Variants in GRIK4 observed in about 807,000 individuals in gnomAD.
GRIK4 encodes the protein glutamate receptor ionotropic, kainate 4.
In GRIK4, 40 loss-of-function variants were observed where a neutral mutation model predicts 104.9. That is an observed-to-expected ratio of 0.38 (90% confidence interval 0.30 to 0.50). The LOEUF is 0.50. Among genes scored for constraint, GRIK4 ranks in the 20% least tolerant of loss-of-function variants. GRIK4 has a pLI of 0.93. For missense variants in GRIK4, 1,047 were observed against 1,308.1 expected (o/e 0.80, Z 3.08); for synonymous variants, 485 against 524.9 (o/e 0.92, Z 1.04).
chr11:120,927,565 C>CA (rs56223442), intron 13 of GRIK4, among the ~76,000 whole-genome samples: 1,187 of 101,492 alleles, frequency 0.012, 17 homozygotes, highest in Middle Eastern at 0.026. Context: ...GACTCTGTCT[C>CA]AAAAAAAAAA....
chr11:120,650,806 T>C (rs1318757622), intron 1 of GRIK4, among the ~76,000 whole-genome samples: 1 of 152,234 alleles, frequency 6.6e-6, no homozygotes, highest in Admixed American at 6.5e-5. Flanking sequence ...GTCTTGGGTA[T>C]GGGAACAACA....
At chr11:120,775,352 A>T (rs1165242406) in intron 3 of GRIK4, among the ~76,000 whole-genome samples, 1 of 152,158 alleles carries the variant, frequency 6.6e-6, no homozygotes, top group Non-Finnish European at 1.5e-5. Context: ...GACCTGAGAG[A>T]CACAGCTGGG....
chr11:120,786,156 C>T (rs955561805), intron 3 of GRIK4, among the ~76,000 whole-genome samples: 8 of 152,182 alleles, frequency 5.3e-5, no homozygotes, highest in African/African-American at 1.9e-4. Flanking sequence ...GGGGCCATCC[C>T]GCTGGTGCCA....
chr11:120,532,125 G>A (rs1947930046), intron 1 of GRIK4, among the ~76,000 whole-genome samples: 1 of 152,196 alleles, frequency 6.6e-6, no homozygotes, highest in Non-Finnish European at 1.5e-5. Flanking sequence ...GGGTACCTGT[G>A]GCCACTCAGG....
chr11:120,571,771 G>A (rs1005234741), intron 1 of GRIK4, among the ~76,000 whole-genome samples: 1 of 152,092 alleles, frequency 6.6e-6, no homozygotes, highest in Middle Eastern at 3.2e-3. Flanking sequence ...TATGTCTAGG[G>A]CCTGGGTTGC....
chr11:120,677,650 G>A (rs775464633), intron 3 of GRIK4, among the ~76,000 whole-genome samples: 24 of 152,236 alleles, frequency 1.6e-4, no homozygotes, highest in Non-Finnish European at 3.1e-4. Flanking sequence ...AGGGCGATAC[G>A]AAATAAGGAA....
intron 3 of GRIK4, among the ~76,000 whole-genome samples, chr11:120,750,420 G>T (rs1256159732): frequency 6.9e-6 from 1 of 143,996 alleles, no homozygotes; most frequent in South Asian, 2.2e-4. Context: ...AGGCTGGAGT[G>T]CAGTGGTGTG....
chr11:120,768,217 C>A (rs1435765866), intron 3 of GRIK4, among the ~76,000 whole-genome samples: 1 of 152,036 alleles, frequency 6.6e-6, no homozygotes, highest in African/African-American at 2.4e-5. Context: ...TTATCTTCTT[C>A]AATTTCTCTC....
At chr11:120,607,550 G>T (rs1051316996) in intron 1 of GRIK4, among the ~76,000 whole-genome samples, 1 of 152,166 alleles carries the variant, frequency 6.6e-6, no homozygotes, top group Non-Finnish European at 1.5e-5. Context: ...AAGAATTTGG[G>T]GGAGTGGCCA....
intron 3 of GRIK4, among the ~76,000 whole-genome samples, chr11:120,708,327 G>A (rs369247343): frequency 6.6e-6 from 1 of 152,056 alleles, no homozygotes; most frequent in East Asian, 1.9e-4. Flanking sequence ...CAAAGCTTTT[G>A]ATCTGCTTCC....
intron 1 of GRIK4, among the ~76,000 whole-genome samples, chr11:120,602,372 A>G (rs1484267158): frequency 6.6e-6 from 1 of 152,120 alleles, no homozygotes; most frequent in African/African-American, 2.4e-5. Context: ...TCCCCAGGGG[A>G]CTGTTCAGGG....
intron 11 of GRIK4, among the ~76,000 whole-genome samples, chr11:120,896,820 C>T (rs941557770): frequency 6.6e-6 from 1 of 152,184 alleles, no homozygotes; most frequent in African/African-American, 2.4e-5. Context: ...TGTGGGTCTT[C>T]CAGGGAAGCT....
In GRIK4 at chr11:120,967,338, G is replaced by C. The variant is rs748236878; in HGVS notation, c.2395+15G>C. 3.7e-6 allele frequency: 6 copies of C among 1,604,186 alleles called. No individual in the cohort carries two copies. Among genetic ancestry groups the C allele is most frequent in the Non-Finnish European group, 5.1e-6 (6 of 1,175,364 alleles). On this transcript the variant is annotated intron_variant, in intron 19 of 20. Coordinates refer to ENST00000527524, the MANE Select transcript of GRIK4 (RefSeq NM_014619.5). This position sits in a 1 kb window ranked among gnomAD's most constrained non-coding sequence, Gnocchi z 4.2. ...CAGAGCTAAAGGTAAGGACGTTCAG[G>C]GCCATCCTCCTCCTGCCCTAGAGGA...
At chr11:120,663,819 T>C (rs1029637953) in intron 3 of GRIK4, among the ~76,000 whole-genome samples, 20 of 152,214 alleles carry the variant, frequency 1.3e-4, no homozygotes, top group African/African-American at 4.8e-4. Flanking sequence ...TTTTTCTTCG[T>C]CTTCCTCCTC....
At chr11:120,907,566 G>A (rs964476895) in intron 13 of GRIK4, among the ~76,000 whole-genome samples, 16 of 152,138 alleles carry the variant, frequency 1.1e-4, no homozygotes, top group Non-Finnish European at 1.6e-4. Flanking sequence ...TTCCACTGTT[G>A]TAGACACTGG....
intron 8 of GRIK4, among the ~76,000 whole-genome samples, chr11:120,849,157 A>ACG (rs1265440011): frequency 3.6e-4 from 54 of 151,708 alleles, no homozygotes; most frequent in African/African-American, 1.1e-3. Context: ...TCTGCCCCCA[A>ACG]CGCGCGCACA....
intron 8 of GRIK4, among the ~76,000 whole-genome samples, chr11:120,859,727 C>T (rs1432932779): frequency 6.6e-6 from 1 of 152,246 alleles, no homozygotes; most frequent in East Asian, 1.9e-4. Context: ...GCCCACAGCA[C>T]ATGGGCAGCT....
At chr11:120,636,128 C>A (rs1020732981) in intron 1 of GRIK4, among the ~76,000 whole-genome samples, 2 of 152,140 alleles carry the variant, frequency 1.3e-5, no homozygotes, top group African/African-American at 4.8e-5. Flanking sequence ...TGTAGTGTTC[C>A]GTTGTGTGAA....
chr11:120,913,491 G>T (rs1023181637), intron 13 of GRIK4, among the ~76,000 whole-genome samples: 3 of 151,656 alleles, frequency 2.0e-5, no homozygotes, highest in Admixed American at 2.0e-4. Context: ...CATCCTCAGG[G>T]CCCTGCTTGG....
Sources: allele counts gnomAD v4.1 joint callset (sites outside exome capture counted in the v4.1 genomes callset), GRCh38; gene constraint gnomAD v4.1.1; non-coding constraint Gnocchi (gnomAD v3.1); transcripts MANE v1.5; gene names NCBI Gene and HGNC (gene_info 2026-07-23, HGNC 2026-07-21).